MOB1B: variants seen among roughly 807,000 people sequenced by gnomAD.
MOB1B encodes the protein MOB1 Mps One Binder homolog B.
MOB1B carries 19 observed loss-of-function variants against 24.4 expected under a neutral mutation model. That is an observed-to-expected ratio of 0.78 (90% CI 0.54 to 1.14). The LOEUF is 1.14. MOB1B is among the 50% of genes most tolerant of loss of function. The probability of loss-of-function intolerance (pLI) is 0.00; values close to 1 mark genes in which losing one functional copy is unlikely to be tolerated. For missense variants in MOB1B, 243 were observed against 259.6 expected, an observed-to-expected ratio of 0.94 and a Z score of 0.44; for synonymous variants, 76 against 82.1, an observed-to-expected ratio of 0.93 and a Z score of 0.40.
chr4:70,904,462 T>C (rs991779028), intron 1 of MOB1B, among the ~76,000 whole-genome samples: 1 of 151,988 alleles, frequency 6.6e-6, no homozygotes, highest in African/African-American at 2.4e-5. Context: ...TCTAGTAAGC[T>C]AAATTGGTTA....
At chr4:70,939,977 G>A (rs1207066305) in intron 1 of MOB1B, among the ~76,000 whole-genome samples, 1 of 152,166 alleles carries the variant, frequency 6.6e-6, no homozygotes, top group South Asian at 2.1e-4. Context: ...TGTCTCCTCC[G>A]ACTGCCCTAG....
chr4:70,969,276 A>C (rs1738660640), intron 2 of MOB1B, among the ~76,000 whole-genome samples: 1 of 152,142 alleles, frequency 6.6e-6, no homozygotes, highest in Admixed American at 6.5e-5. Context: ...AACCACAGGC[A>C]TGCACCACCA....
chr4:70,930,267 A>G (rs1736838688), intron 1 of MOB1B, among the ~76,000 whole-genome samples: 1 of 152,074 alleles, frequency 6.6e-6, no homozygotes, highest in African/African-American at 2.4e-5. Context: ...GTACATAAAC[A>G]TGTTTGGGAG....
intron 1 of MOB1B, among the ~76,000 whole-genome samples, chr4:70,922,745 C>T (rs982648056): frequency 2.0e-5 from 3 of 152,154 alleles, no homozygotes; most frequent in Non-Finnish European, 4.4e-5. Context: ...TTCTAAGTCA[C>T]GTGAACTTGA....
chr4:70,928,667 A>G (rs1349562876), intron 1 of MOB1B, among the ~76,000 whole-genome samples: 2 of 152,112 alleles, frequency 1.3e-5, no homozygotes, highest in African/African-American at 4.8e-5. Context: ...ATGTTTTTCC[A>G]TTGTAAAGAT....
chr4:70,902,181 G>A (rs1050500277), upstream of MOB1B: 6 of 440,678 alleles, frequency 1.4e-5, no homozygotes, highest in African/African-American at 1.3e-4. Flanking sequence ...GAGACCAGAA[G>A]GTGAGAGTCC....
intron 2 of MOB1B, among the ~76,000 whole-genome samples, chr4:70,965,757 A>G (rs1453027984): frequency 7.2e-6 from 1 of 139,132 alleles, no homozygotes; most frequent in Admixed American, 7.8e-5. Context: ...AGATCACGCC[A>G]CTGCACTCCA....
chr4:70,949,562 G>A (rs1047807952), intron 1 of MOB1B, among the ~76,000 whole-genome samples: 6 of 152,142 alleles, frequency 3.9e-5, no homozygotes, highest in Non-Finnish European at 8.8e-5. Context: ...CAGAGTATGT[G>A]CTAAGTATTC....
chr4:70,935,049 C>T (rs1737027360), intron 1 of MOB1B, among the ~76,000 whole-genome samples: 1 of 152,062 alleles, frequency 6.6e-6, no homozygotes, highest in South Asian at 2.1e-4. Context: ...ATCCTTCTGC[C>T]TAGCTGGGAC....
chr4:70,927,672 G>A (rs1010754462), intron 1 of MOB1B, among the ~76,000 whole-genome samples: 9 of 152,040 alleles, frequency 5.9e-5, no homozygotes, highest in Non-Finnish European at 1.2e-4. Flanking sequence ...GTGTGGATGC[G>A]GGGGCCTCCC....
At chr4:70,933,540 CTCT>C (rs1736962829) in intron 1 of MOB1B, among the ~76,000 whole-genome samples, 1 of 131,198 alleles carries the variant, frequency 7.6e-6, no homozygotes, top group Admixed American at 7.6e-5. Flanking sequence ...ATAAAAATAA[CTCT>C]TTTTTTTTTT....
At chr4:70,916,105 C>G (rs1182436375) in intron 1 of MOB1B, among the ~76,000 whole-genome samples, 1 of 152,156 alleles carries the variant, frequency 6.6e-6, no homozygotes, top group Non-Finnish European at 1.5e-5. Flanking sequence ...TTGGTTTGGT[C>G]TCTTGGGGCC....
rs140030522 is a variant in MOB1B at position 70,983,717 on chromosome 4, T to G, written c.*1660T>G. On this transcript the variant is annotated 3_prime_UTR_variant, in exon 6 of 6. Coordinates refer to ENST00000309395, the MANE Select transcript of MOB1B (RefSeq NM_173468.4). Reference sequence around the variant, plus strand: ...CCATTAAAGTAGAGCAGTGATACAATTTAATGCCATTACAATTATGTTGAC... The same window carrying G: ...CCATTAAAGTAGAGCAGTGATACAAGTTAATGCCATTACAATTATGTTGAC... 371 of 152,710 alleles carry G rather than the reference T, an allele frequency of 2.4e-3. 2 individuals are homozygous for G. Among genetic ancestry groups the G allele is most frequent in the African/African-American group, 8.4e-3 (350 of 41,580 alleles). The allele number at this position is 152,710 out of a possible 1,614,324, so 9.5% of individuals were successfully genotyped here.
intron 5 of MOB1B, 121 bp downstream of exon 5, chr4:70,979,412 C>T (rs1739117425): frequency 1.5e-6 from 1 of 679,708 alleles, no homozygotes; most frequent in South Asian, 2.5e-5. Context: ...TCTGCATCCT[C>T]TTCTACAGTT....
intron 4 of MOB1B, among the ~76,000 whole-genome samples, chr4:70,977,803 G>A (rs942998713): frequency 2.0e-5 from 3 of 151,834 alleles, no homozygotes; most frequent in Non-Finnish European, 4.4e-5. Context: ...CAATCCTATC[G>A]CTTCAGCCTC....
At chr4:70,950,502 A>G (rs1380914372) in intron 1 of MOB1B, among the ~76,000 whole-genome samples, 2 of 151,686 alleles carry the variant, frequency 1.3e-5, no homozygotes, top group Non-Finnish European at 2.9e-5. Context: ...TCCTTAATTT[A>G]CCACTTTTAT....
At chr4:70,966,204 T>C (rs1339149004) in intron 2 of MOB1B, among the ~76,000 whole-genome samples, 1 of 152,178 alleles carries the variant, frequency 6.6e-6, no homozygotes, top group Non-Finnish European at 1.5e-5. Flanking sequence ...GTGTATATAA[T>C]ACATTATGAC....
At chr4:70,903,646 T>C (rs1031620646) in intron 1 of MOB1B, among the ~76,000 whole-genome samples, 2 of 152,264 alleles carry the variant, frequency 1.3e-5, no homozygotes, top group African/African-American at 4.8e-5. Context: ...TTAAGATTTC[T>C]CTTCTTTCCT....
At chr4:70,915,050 T>C (rs1736144691) in intron 1 of MOB1B, among the ~76,000 whole-genome samples, 1 of 152,220 alleles carries the variant, frequency 6.6e-6, no homozygotes, top group South Asian at 2.1e-4. Context: ...CGATTGGACT[T>C]ATGTGCGACA....
Sources: gnomAD v4.1 joint callset for allele counts (sites outside exome capture counted in the v4.1 genomes callset) on GRCh38, gnomAD v4.1.1 for gene constraint, MANE v1.5 for transcripts, NCBI Gene and HGNC (gene_info 2026-07-23, HGNC 2026-07-21) for gene names.